Variants in RALGAPA2 observed in about 807,000 individuals in gnomAD.
RALGAPA2 encodes Ral GTPase activating protein catalytic subunit alpha 2.
RALGAPA2 carries 139 observed loss-of-function variants against 230.4 expected under a neutral mutation model. The ratio of observed to expected loss-of-function variants is 0.60; its 90% CI spans 0.53 to 0.69. The LOEUF (loss-of-function observed/expected upper bound fraction) is 0.69, where lower values mean the gene tolerates loss of function less well. Ranked by LOEUF, RALGAPA2 falls within the 30% of genes least tolerant of loss-of-function variation. The probability of loss-of-function intolerance (pLI) is 0.00; values close to 1 mark genes in which losing one functional copy is unlikely to be tolerated. For synonymous variants in RALGAPA2, 847 were observed against 837.8 expected (o/e 1.01, Z -0.19); for missense variants, 2,163 against 2,276.0 (o/e 0.95, Z 1.01).
chr20:20,445,324 T>C (rs1359197141), intron 37 of RALGAPA2, among the ~76,000 whole-genome samples: 4 of 152,130 alleles, frequency 2.6e-5, no homozygotes, highest in Non-Finnish European at 5.9e-5. Context: ...TGGAAGCCTA[T>C]TACACCCAAA....
intron 35 of RALGAPA2, 99 bp downstream of exon 35, chr20:20,503,252 C>A: frequency 8.7e-7 from 1 of 1,149,054 alleles, no homozygotes; most frequent in Non-Finnish European, 1.2e-6. Context: ...TTCAGAGAAA[C>A]CATCTCAGTG....
chr20:20,575,735 G>T (rs1368732627), intron 20 of RALGAPA2, among the ~76,000 whole-genome samples: 1 of 152,042 alleles, frequency 6.6e-6, no homozygotes, highest in African/African-American at 2.4e-5. Flanking sequence ...GTTGTTTCTT[G>T]GCTTCCCCTA....
intron 23 of RALGAPA2, among the ~76,000 whole-genome samples, chr20:20,554,080 G>A (rs928821516): frequency 2.6e-5 from 4 of 152,044 alleles, no homozygotes; most frequent in South Asian, 2.1e-4. Flanking sequence ...TTGTGCAACC[G>A]TAGCCACTAT....
At chr20:20,691,225 A>G (rs2068893147) in intron 1 of RALGAPA2, among the ~76,000 whole-genome samples, 1 of 152,082 alleles carries the variant, frequency 6.6e-6, no homozygotes, top group Non-Finnish European at 1.5e-5. Context: ...CTTGAATCCA[A>G]TAACCCCACC....
chr20:20,487,159 T>A (rs2061933050), intron 36 of RALGAPA2, among the ~76,000 whole-genome samples: 1 of 152,224 alleles, frequency 6.6e-6, no homozygotes, highest in African/African-American at 2.4e-5. Context: ...TATGATGTAT[T>A]GGGTAAAATG....
At chr20:20,603,521 G>GC (rs2065726636) in intron 15 of RALGAPA2, among the ~76,000 whole-genome samples, 1 of 152,150 alleles carries the variant, frequency 6.6e-6, no homozygotes. Flanking sequence ...GACTTGAAAT[G>GC]CACTTGAAAA....
chr20:20,625,739 T>C (rs2066471587), intron 10 of RALGAPA2, among the ~76,000 whole-genome samples: 2 of 152,158 alleles, frequency 1.3e-5, no homozygotes, highest in Admixed American at 1.3e-4. Flanking sequence ...GACCTACGAA[T>C]AGGTCACAAC....
intron 27 of RALGAPA2, among the ~76,000 whole-genome samples, chr20:20,531,049 G>T (rs1417378871): frequency 3.3e-5 from 5 of 152,186 alleles, no homozygotes; most frequent in Non-Finnish European, 5.9e-5. Flanking sequence ...ACACAGATCT[G>T]CTTTTATTGC....
At chr20:20,698,279 TTTTTTTTTTGAGAC>T (rs2069197578) in intron 1 of RALGAPA2, among the ~76,000 whole-genome samples, 1 of 152,054 alleles carries the variant, frequency 6.6e-6, no homozygotes, top group Non-Finnish European at 1.5e-5. Flanking sequence ...AATGATTTTT[TTTTTTTTTTGAGAC>T]AGAGTCTCAC....
In RALGAPA2 at chr20:20,472,926, C is replaced by T. The variant is rs775070001; in HGVS notation, c.5398G>A (p.Ala1800Thr). 6.8e-6 allele frequency: 11 copies of T among 1,609,792 alleles called. No individual in the cohort carries two copies. The highest frequency in any genetic ancestry group is 9.3e-6 in the Non-Finnish European group (11 of 1,178,774). Reference sequence around the variant, plus strand: ...GGCAGCAGCTTCCCACTCACTATGGCTCCATCAAACAGAGGCCCAAAAAAT... The same window carrying T: ...GGCAGCAGCTTCCCACTCACTATGGTTCCATCAAACAGAGGCCCAAAAAAT... ...VPFFGPLFDG[A>T]IVSGKLLPSL... is the part of the protein sequence containing the mutation. Residue 1800 changes from alanine (A) to threonine (T), a missense_variant, in exon 37 of 40, where the codon GCC (alanine) becomes ACC (threonine). By Grantham distance (58) the Ala-to-Thr change is moderately conservative. Transcript: ENST00000202677.
At chr20:20,707,740 C>G (rs1469361079) in intron 1 of RALGAPA2, among the ~76,000 whole-genome samples, 1 of 152,086 alleles carries the variant, frequency 6.6e-6, no homozygotes, top group Admixed American at 6.6e-5. Flanking sequence ...TCTGATCCCC[C>G]AGCCAGCCTC....
chr20:20,453,794 G>A (rs2061043761), intron 37 of RALGAPA2, among the ~76,000 whole-genome samples: 1 of 152,208 alleles, frequency 6.6e-6, no homozygotes, highest in African/African-American at 2.4e-5. Context: ...ACAGTGCCTG[G>A]CATACAGGAA....
At chr20:20,711,967 C>T (rs552261545) in intron 1 of RALGAPA2, among the ~76,000 whole-genome samples, 7 of 151,998 alleles carry the variant, frequency 4.6e-5, no homozygotes, top group African/African-American at 1.7e-4. Context: ...CTTGGGGTCT[C>T]GGTCTACTTA....
intron 37 of RALGAPA2, among the ~76,000 whole-genome samples, chr20:20,464,122 A>G (rs2061363296): frequency 6.6e-6 from 1 of 152,188 alleles, no homozygotes; most frequent in Admixed American, 6.5e-5. Context: ...ACCTTCCCGC[A>G]ACAGACCCTA....
intron 27 of RALGAPA2, among the ~76,000 whole-genome samples, chr20:20,530,682 C>A (rs2063346111): frequency 6.6e-6 from 1 of 152,164 alleles, no homozygotes; most frequent in Non-Finnish European, 1.5e-5. Context: ...GCAGGGGGCA[C>A]AGAAGGGCAT....
intron 26 of RALGAPA2, among the ~76,000 whole-genome samples, chr20:20,533,799 TTAAG>T (rs1340214367): frequency 5.3e-5 from 8 of 152,044 alleles, no homozygotes; most frequent in Non-Finnish European, 7.4e-5. Context: ...CACAATGCAA[TTAAG>T]TAAGACATCA....
chr20:20,405,930 T>G (rs541352677), intron 38 of RALGAPA2, among the ~76,000 whole-genome samples: 1 of 152,332 alleles, frequency 6.6e-6, no homozygotes, highest in East Asian at 1.9e-4. Flanking sequence ...TGTCCTCCTT[T>G]CTATTCACTC....
intron 3 of RALGAPA2, among the ~76,000 whole-genome samples, chr20:20,655,442 C>T (rs1264196217): frequency 6.6e-6 from 1 of 152,052 alleles, no homozygotes; most frequent in African/African-American, 2.4e-5. Flanking sequence ...AATGAGGACA[C>T]TTGAGCTGAG....
At chr20:20,411,325 A>G (rs2060055355) in intron 38 of RALGAPA2, among the ~76,000 whole-genome samples, 1 of 152,244 alleles carries the variant, frequency 6.6e-6, no homozygotes, top group South Asian at 2.1e-4. Context: ...GTAATCACAT[A>G]ATCTGTTTAA....
Sources: gnomAD v4.1 joint callset for allele counts (sites outside exome capture counted in the v4.1 genomes callset) on GRCh38, gnomAD v4.1.1 for gene constraint, MANE v1.5 for transcripts, NCBI Gene and HGNC (gene_info 2026-07-23, HGNC 2026-07-21) for gene names.